GABRB1: variants seen among roughly 807,000 people sequenced by gnomAD.
GABRB1 encodes gamma-aminobutyric acid receptor subunit beta-1.
A neutral mutation model predicts 51.6 loss-of-function variants in GABRB1; 17 were observed. The observed-to-expected ratio is 0.33, with a 90% confidence interval of 0.23 to 0.49. The LOEUF (loss-of-function observed/expected upper bound fraction) is 0.49, where lower values mean the gene tolerates loss of function less well. Ranked by LOEUF, GABRB1 falls within the 20% of genes least tolerant of loss-of-function variation. The probability of loss-of-function intolerance (pLI) is 0.99; values close to 1 mark genes in which losing one functional copy is unlikely to be tolerated. For missense variants in GABRB1, 410 were observed against 600.6 expected (o/e 0.68, Z 3.32); for synonymous variants, 247 against 218.9 (o/e 1.13, Z -1.14).
At chr4:47,240,510 A>G (rs1276130182) in intron 4 of GABRB1, among the ~76,000 whole-genome samples, 2 of 152,238 alleles carry the variant, frequency 1.3e-5, no homozygotes, top group South Asian at 2.1e-4. Flanking sequence ...CTGGAGGTCT[A>G]TACCAAGTGA....
chr4:47,047,125 T>C (rs1036606415), intron 3 of GABRB1, among the ~76,000 whole-genome samples: 1 of 152,156 alleles, frequency 6.6e-6, no homozygotes, highest in Admixed American at 6.6e-5. Flanking sequence ...AACTTTCACA[T>C]GTACTCCTCT....
chr4:47,221,086 C>T (rs1322590944), intron 4 of GABRB1, among the ~76,000 whole-genome samples: 3 of 152,014 alleles, frequency 2.0e-5, no homozygotes, highest in African/African-American at 7.2e-5. Flanking sequence ...CCAACTTTTG[C>T]TCATGATTCT....
At chr4:47,076,498 A>T (rs1037164698) in intron 3 of GABRB1, among the ~76,000 whole-genome samples, 19 of 152,252 alleles carry the variant, frequency 1.2e-4, no homozygotes, top group Admixed American at 6.5e-4. Flanking sequence ...GATCTCCTTC[A>T]GAGCACAGGA....
intron 4 of GABRB1, among the ~76,000 whole-genome samples, chr4:47,314,192 TC>T (rs1229274154): frequency 6.6e-6 from 1 of 152,030 alleles, no homozygotes; most frequent in African/African-American, 2.4e-5. Flanking sequence ...ACATATAGTT[TC>T]CCTAGGTGAT....
chr4:47,180,525 C>T (rs1718899842), intron 4 of GABRB1, among the ~76,000 whole-genome samples: 1 of 152,164 alleles, frequency 6.6e-6, no homozygotes, highest in Admixed American at 6.6e-5. Context: ...AGAAGGAAAA[C>T]CTCCAAAGAC....
At chr4:47,197,168 G>T (rs764461200) in intron 4 of GABRB1, among the ~76,000 whole-genome samples, 1 of 152,124 alleles carries the variant, frequency 6.6e-6, no homozygotes, top group Non-Finnish European at 1.5e-5. Context: ...GTTCCCTCGG[G>T]CATCTAGCAT....
chr4:47,406,551 T>C lies in GABRB1; in HGVS notation c.836-131T>C, dbSNP rs982440317. On this transcript the variant is annotated intron_variant, in intron 7 of 8. Transcript: ENST00000295454. Reference sequence around the variant, plus strand: ...CAAAATATCTGCCCTTTTTGCCCAATGGTTTATCATGCTACTGTGATCACT... The same window carrying C: ...CAAAATATCTGCCCTTTTTGCCCAACGGTTTATCATGCTACTGTGATCACT... The C allele has an allele frequency of 4.6e-6, 5 of 1,089,402 alleles. No individual in the cohort carries two copies. In the African/African-American group the frequency reaches 7.9e-5, roughly 17 times the overall value. The allele number at this position is 1,089,402 out of a possible 1,614,324, so 67.5% of individuals were successfully genotyped here.
chr4:47,199,474 C>A (rs1430422374), intron 4 of GABRB1, among the ~76,000 whole-genome samples: 1 of 152,100 alleles, frequency 6.6e-6, no homozygotes, highest in Non-Finnish European at 1.5e-5. Flanking sequence ...AGCCTCTTGT[C>A]TAACAGAGTA....
chr4:47,058,198 A>T (rs1313356064), intron 3 of GABRB1, among the ~76,000 whole-genome samples: 1 of 152,192 alleles, frequency 6.6e-6, no homozygotes, highest in Non-Finnish European at 1.5e-5. Flanking sequence ...TTAGAGAACA[A>T]AGCATTCATT....
At chr4:47,115,198 C>A (rs891327201) in intron 3 of GABRB1, among the ~76,000 whole-genome samples, 2 of 152,150 alleles carry the variant, frequency 1.3e-5, no homozygotes. Context: ...ATGCTGATAG[C>A]TAATACATCT....
At chr4:47,359,857 C>T (rs892878971) in intron 5 of GABRB1, among the ~76,000 whole-genome samples, 7 of 152,000 alleles carry the variant, frequency 4.6e-5, no homozygotes, top group African/African-American at 1.7e-4. Context: ...TAACATGAAA[C>T]ACCTCAATGA....
upstream of GABRB1, among the ~76,000 whole-genome samples, chr4:47,029,868 T>C (rs552306314): frequency 6.6e-6 from 1 of 152,242 alleles, no homozygotes; most frequent in South Asian, 2.1e-4. Flanking sequence ...TTGCTTTTTA[T>C]CCCTACATGA....
chr4:47,090,707 C>T (rs1301753681), intron 3 of GABRB1, among the ~76,000 whole-genome samples: 2 of 152,176 alleles, frequency 1.3e-5, no homozygotes, highest in Non-Finnish European at 2.9e-5. Context: ...GAACCTACTA[C>T]ATTAAAGGTG....
At chr4:47,220,229 C>T (rs1158068505) in intron 4 of GABRB1, among the ~76,000 whole-genome samples, 1 of 151,932 alleles carries the variant, frequency 6.6e-6, no homozygotes, top group Non-Finnish European at 1.5e-5. Flanking sequence ...CTTAAACCAG[C>T]TCCTTTAAGG....
At chr4:47,331,176 A>G (rs1349316604) in intron 5 of GABRB1, among the ~76,000 whole-genome samples, 1 of 152,162 alleles carries the variant, frequency 6.6e-6, no homozygotes, top group Non-Finnish European at 1.5e-5. Context: ...ATTTATGTTC[A>G]TAGAAATGTT....
chr4:47,277,279 A>G (rs1723118889), intron 4 of GABRB1, among the ~76,000 whole-genome samples: 1 of 152,092 alleles, frequency 6.6e-6, no homozygotes, highest in South Asian at 2.1e-4. Context: ...CAAACATCAC[A>G]TGTTCTCACT....
intron 4 of GABRB1, among the ~76,000 whole-genome samples, chr4:47,243,591 G>T (rs1340133728): frequency 6.6e-6 from 1 of 152,178 alleles, no homozygotes; most frequent in African/African-American, 2.4e-5. Flanking sequence ...TCTCCTTGGA[G>T]AGGTCCTTCA....
intron 8 of GABRB1, among the ~76,000 whole-genome samples, chr4:47,414,658 AT>A (rs1189312460): frequency 4.6e-5 from 7 of 152,158 alleles, no homozygotes; most frequent in Non-Finnish European, 7.4e-5. Flanking sequence ...CAAGAAATAG[AT>A]TTTTTTCCCT....
At chr4:47,100,593 C>T (rs888810793) in intron 3 of GABRB1, among the ~76,000 whole-genome samples, 1 of 151,926 alleles carries the variant, frequency 6.6e-6, no homozygotes, top group Non-Finnish European at 1.5e-5. Context: ...TCTCTCCTAC[C>T]ACAGAATTCA....
Sources: gnomAD v4.1 joint callset for allele counts (sites outside exome capture counted in the v4.1 genomes callset) on GRCh38, gnomAD v4.1.1 for gene constraint, MANE v1.5 for transcripts, NCBI Gene and HGNC (gene_info 2026-07-23, HGNC 2026-07-21) for gene names.